PALS1: variants seen among roughly 807,000 people sequenced by gnomAD.
The protein encoded by PALS1 is protein associated with LIN7 1, MAGUK p55 family member.
In PALS1, 31 loss-of-function variants were observed where a neutral mutation model predicts 78.9. The observed-to-expected ratio is 0.39, with a 90% CI of 0.30 to 0.53. The LOEUF is 0.53. Among genes scored for constraint, PALS1 ranks in the 20% least tolerant of loss-of-function variants. The probability of loss-of-function intolerance (pLI) is 0.67; values close to 1 mark genes in which losing one functional copy is unlikely to be tolerated. For missense variants in PALS1, 704 were observed against 826.5 expected (o/e 0.85, Z 1.82); for synonymous variants, 276 against 270.9 (o/e 1.02, Z -0.18).
intron 1 of PALS1, among the ~76,000 whole-genome samples, chr14:67,247,404 C>T (rs1219707116): frequency 1.3e-5 from 2 of 152,022 alleles, no homozygotes; most frequent in East Asian, 3.8e-4. Context: ...GCTCTAGGAG[C>T]TTTTTTATTT....
Position 67,279,046 on chromosome 14 carries a change from A to T in PALS1, c.-125A>T. 1 of 868,228 alleles carries T rather than the reference A, an allele frequency of 1.2e-6. No individual in the cohort carries two copies. Among genetic ancestry groups the T allele is most frequent in the South Asian group, 2.5e-5 (1 of 39,516 alleles). The allele number at this position is 868,228 out of a possible 1,614,324, so 53.8% of individuals were successfully genotyped here. ...TCCTTCATGGATACTTTTTCATAGC[A>T]TTATTATGTGATGTGAGAAGTTTTT... On this transcript the variant is annotated 5_prime_UTR_variant, in exon 3 of 15. Transcript: ENST00000261681.
intron 1 of PALS1, among the ~76,000 whole-genome samples, chr14:67,248,277 T>C (rs952660053): frequency 3.9e-5 from 6 of 152,024 alleles, no homozygotes; most frequent in South Asian, 2.1e-4. Flanking sequence ...CCCCAGCCAA[T>C]TGGGAGGCTG....
At chr14:67,246,814 G>C (rs1299374635) in intron 1 of PALS1, among the ~76,000 whole-genome samples, 1 of 152,062 alleles carries the variant, frequency 6.6e-6, no homozygotes, top group Non-Finnish European at 1.5e-5. Context: ...ACCACGCCCA[G>C]CTAATTTTTG....
chr14:67,245,100 C>T (rs1183157540), intron 1 of PALS1, among the ~76,000 whole-genome samples: 2 of 152,160 alleles, frequency 1.3e-5, no homozygotes, highest in Admixed American at 6.5e-5. Flanking sequence ...GCAGCCCTGC[C>T]AGTAATTTTA....
chr14:67,262,258 TC>T (rs2084250309), intron 1 of PALS1, among the ~76,000 whole-genome samples: 1 of 152,154 alleles, frequency 6.6e-6, no homozygotes, highest in African/African-American at 2.4e-5. Flanking sequence ...TTCTAGCCTA[TC>T]CCTTTTGTGT....
chr14:67,312,724 T>C lies in PALS1; in HGVS notation c.1225+14T>C, dbSNP rs767238477. ...GGCTTGTTCCAGGTAAGACACAATA[T>C]GGTAGAAAGTACATAATATTAAAAG... is the stretch of plus-strand genomic sequence containing the variant. On this transcript the variant is annotated intron_variant, in intron 9 of 14. Coordinates refer to ENST00000261681, the MANE Select transcript of PALS1 (RefSeq NM_022474.4). The C allele has an allele frequency of 1.3e-6, 2 of 1,548,562 alleles. No individual in the cohort carries two copies. The highest frequency in any genetic ancestry group is 1.7e-6 in the Non-Finnish European group (2 of 1,145,752).
At chr14:67,273,755 C>T (rs1453953857) in intron 2 of PALS1, among the ~76,000 whole-genome samples, 1 of 152,184 alleles carries the variant, frequency 6.6e-6, no homozygotes, top group Non-Finnish European at 1.5e-5. Context: ...TAAAAGTGTT[C>T]CTGTTTCTCC....
At chr14:67,253,713 T>C (rs540381728) in intron 1 of PALS1, among the ~76,000 whole-genome samples, 1 of 152,018 alleles carries the variant, frequency 6.6e-6, no homozygotes, top group Non-Finnish European at 1.5e-5. Context: ...TGGGTTTGCA[T>C]TCCTGTAGTC....
chr14:67,327,092 T>G (rs2085369280), intron 14 of PALS1, among the ~76,000 whole-genome samples: 1 of 152,136 alleles, frequency 6.6e-6, no homozygotes, highest in South Asian at 2.1e-4. Context: ...GGAGAATCAC[T>G]TGAACCCGGG....
In PALS1 at chr14:67,274,557, A is replaced by AT. The variant is rs200170296; in HGVS notation, c.-153-4460dup. 3.0e-4 allele frequency among the ~76,000 whole-genome samples: 46 copies of AT among 152,312 alleles called. No individual in the cohort carries two copies. The East Asian group carries it at 8.1e-3, about 27-fold the overall frequency. On this transcript the variant is annotated intron_variant, in intron 2 of 14. Coordinates refer to ENST00000261681, the MANE Select transcript of PALS1 (RefSeq NM_022474.4). ...GTATAGTTTGAAGTTGGATAGGGTGATGCCTTCAGCTTTATTCTTTTGGCT... is the reference window on the plus strand; with the variant it reads ...GTATAGTTTGAAGTTGGATAGGGTGATTGCCTTCAGCTTTATTCTTTTGGCT...
intron 1 of PALS1, among the ~76,000 whole-genome samples, chr14:67,245,356 C>T (rs1485074237): frequency 2.0e-5 from 3 of 151,996 alleles, no homozygotes; most frequent in Admixed American, 6.6e-5. Context: ...AGTAGTATCT[C>T]GTTGGGATTT....
chr14:67,261,074 C>T (rs2084228839), intron 1 of PALS1, among the ~76,000 whole-genome samples: 1 of 152,120 alleles, frequency 6.6e-6, no homozygotes, highest in South Asian at 2.1e-4. Context: ...AACAAGGAGA[C>T]TGCTGTGAGG....
chr14:67,327,048 A>C (rs1223381103), intron 14 of PALS1, among the ~76,000 whole-genome samples: 1 of 152,140 alleles, frequency 6.6e-6, no homozygotes, highest in Non-Finnish European at 1.5e-5. Flanking sequence ...GGTGGCATGC[A>C]CCTGTAATCC....
At chr14:67,252,156 C>G (rs747342303) in intron 1 of PALS1, among the ~76,000 whole-genome samples, 6 of 152,032 alleles carry the variant, frequency 3.9e-5, no homozygotes, top group Non-Finnish European at 8.8e-5. Flanking sequence ...TTTCTGAGTT[C>G]TGGGGCCATT....
chr14:67,246,649 GTTT>G (rs71129814), intron 1 of PALS1, among the ~76,000 whole-genome samples: 15 of 112,206 alleles, frequency 1.3e-4, no homozygotes, highest in Non-Finnish European at 2.1e-4. Flanking sequence ...CCTACTATAG[GTTT>G]TTTTTTTTTT....
intron 7 of PALS1, among the ~76,000 whole-genome samples, chr14:67,303,024 A>G (rs1017892000): frequency 6.6e-6 from 1 of 152,236 alleles, no homozygotes; most frequent in African/African-American, 2.4e-5. Flanking sequence ...AGCTGCATAT[A>G]GCTATTTCTG....
In PALS1 at chr14:67,330,138, AAAT is replaced by A. The variant is rs145800942; in HGVS notation, c.1852-2626_1852-2624del. Among the ~76,000 whole-genome samples the A allele has an allele frequency of 6.7e-3, 986 of 146,478 alleles. 24 individuals are homozygous for A. Among genetic ancestry groups the A allele is most frequent in the East Asian group, 0.063 (313 of 4,996 alleles). On this transcript the variant is annotated intron_variant, in intron 14 of 14. Coordinates refer to ENST00000261681, the MANE Select transcript of PALS1 (RefSeq NM_022474.4). ...AAGACACAATCTGGAACCAGGAAAT[AAAT>A]AATAATAATAATAATTATTATTATT...
chr14:67,264,346 A>G (rs192242945), intron 1 of PALS1, among the ~76,000 whole-genome samples: 50 of 152,284 alleles, frequency 3.3e-4, no homozygotes, highest in South Asian at 1.7e-3. Context: ...AGTATTAGCT[A>G]TGATCACTAA....
At chr14:67,288,328 C>T (rs963997815) in intron 3 of PALS1, among the ~76,000 whole-genome samples, 13 of 152,054 alleles carry the variant, frequency 8.5e-5, no homozygotes, top group Non-Finnish European at 5.9e-5. Flanking sequence ...GTGATCTGCC[C>T]TCCTGAGCCT....
Sources: gnomAD v4.1 joint callset for allele counts (sites outside exome capture counted in the v4.1 genomes callset) on GRCh38, gnomAD v4.1.1 for gene constraint, MANE v1.5 for transcripts, NCBI Gene and HGNC (gene_info 2026-07-23, HGNC 2026-07-21) for gene names.